Variants in DPP10 observed in about 807,000 individuals in gnomAD.
DPP10 encodes the protein dipeptidyl peptidase like 10, also known as inactive dipeptidyl peptidase 10.
A neutral mutation model predicts 120.9 loss-of-function variants in DPP10; 33 were observed. The observed-to-expected ratio is 0.27, with a 90% confidence interval of 0.21 to 0.37. DPP10 has a LOEUF of 0.37. Ranked by LOEUF, DPP10 falls within the 10% of genes least tolerant of loss-of-function variation. The probability of loss-of-function intolerance (pLI) is 1.00; values close to 1 mark genes in which losing one functional copy is unlikely to be tolerated. For missense variants in DPP10, 816 were observed against 942.8 expected (o/e 0.87, Z 1.76); for synonymous variants, 337 against 326.1 (o/e 1.03, Z -0.36).
chr2:114,751,380 A>G (rs1466876027), intron 1 of DPP10, among the ~76,000 whole-genome samples: 1 of 152,232 alleles, frequency 6.6e-6, no homozygotes, highest in Non-Finnish European at 1.5e-5. Context: ...CACCCCAGCC[A>G]CAGGTTTAAA....
At chr2:114,974,328 C>A (rs1699603562) in intron 1 of DPP10, among the ~76,000 whole-genome samples, 1 of 151,826 alleles carries the variant, frequency 6.6e-6, no homozygotes, top group Non-Finnish European at 1.5e-5. Flanking sequence ...CTGCATTATT[C>A]AGTAGAGTAA....
At chr2:115,007,810 G>A (rs1249587021) in intron 1 of DPP10, among the ~76,000 whole-genome samples, 1 of 148,314 alleles carries the variant, frequency 6.7e-6, no homozygotes, top group Non-Finnish European at 1.5e-5. Flanking sequence ...CAAATCATGA[G>A]TGAACTCCCA....
At chr2:115,817,552 A>G (rs1328255483) in intron 21 of DPP10, among the ~76,000 whole-genome samples, 1 of 152,242 alleles carries the variant, frequency 6.6e-6, no homozygotes, top group African/African-American at 2.4e-5. Flanking sequence ...CCTTTGCAGC[A>G]TTCTACACTT....
intron 1 of DPP10, among the ~76,000 whole-genome samples, chr2:114,454,105 A>G (rs901898724): frequency 6.6e-6 from 1 of 152,140 alleles, no homozygotes; most frequent in Non-Finnish European, 1.5e-5. Flanking sequence ...CCTCACCCCA[A>G]CTCGCAGATG....
intron 5 of DPP10, among the ~76,000 whole-genome samples, chr2:115,599,294 T>C (rs553807857): frequency 6.6e-6 from 1 of 152,264 alleles, no homozygotes; most frequent in South Asian, 2.1e-4. Context: ...CTTCTGGGAC[T>C]CAATTACCTA....
At chr2:114,566,276 T>C (rs768640985) in intron 1 of DPP10, among the ~76,000 whole-genome samples, 3 of 152,172 alleles carry the variant, frequency 2.0e-5, no homozygotes, top group Non-Finnish European at 4.4e-5. Context: ...TTAACGACTG[T>C]GCCAGGATAT....
At chr2:115,727,772 C>T in intron 7 of DPP10, 44 bp from the exon 8 acceptor site, 1 of 1,553,014 alleles carries the variant, frequency 6.4e-7, no homozygotes, top group Non-Finnish European at 8.7e-7. Context: ...AAAAGGCATC[C>T]TAACGTGTTG....
chr2:115,529,459 GT>G (rs3043862), intron 5 of DPP10, among the ~76,000 whole-genome samples: 55,868 of 145,812 alleles, frequency 0.38, 11,131 homozygotes, highest in East Asian at 0.63. Context: ...GGTGGCAAAA[GT>G]TTTTTTTTTT....
rs766755484 is a variant in DPP10 at position 115,689,694 on chromosome 2, A to G, written c.449A>G (p.His150Arg). Reference protein sequence around the residue: ...LLAYDVKQIFHYSYTASYVIY... With the variant: ...LLAYDVKQIFRYSYTASYVIY... ...TTTCTTTTTTAATTTCAGATTTTTC[A>G]TTATTCGTATACTGCTTCATATGTG... The change falls in exon 6 of 26, where the codon CAT becomes CGT. Residue 150 changes from histidine (H) to arginine (R), a missense_variant. Transcript: ENST00000410059. 2.6e-6 allele frequency: 4 copies of G among 1,550,642 alleles called. No individual in the cohort carries two copies. In the Admixed American group the frequency reaches 7.5e-5, roughly 29 times the overall value.
chr2:115,313,447 A>G (rs1231069803), intron 2 of DPP10, among the ~76,000 whole-genome samples: 1 of 152,214 alleles, frequency 6.6e-6, no homozygotes, highest in Non-Finnish European at 1.5e-5. Context: ...TTAGTGACAA[A>G]TATAGCAACA....
chr2:114,505,206 T>C (rs1272292140), intron 1 of DPP10, among the ~76,000 whole-genome samples: 1 of 149,830 alleles, frequency 6.7e-6, no homozygotes, highest in Non-Finnish European at 1.5e-5. Flanking sequence ...CCAAAACAGA[T>C]AGCTTATATA....
intron 1 of DPP10, among the ~76,000 whole-genome samples, chr2:114,754,019 A>T (rs1310475439): frequency 1.3e-5 from 2 of 152,080 alleles, no homozygotes; most frequent in Non-Finnish European, 2.9e-5. Flanking sequence ...AAAGCAGATG[A>T]TATGTAAAAT....
chr2:115,774,403 A>G lies in DPP10; in HGVS notation c.1222-2805A>G, dbSNP rs1681848245. ...ATCAAAGATGCACTAAAACCTTGAAATTTTAGTATCCTGTCCTTGGCTCAT... is the reference window on the plus strand; with the variant it reads ...ATCAAAGATGCACTAAAACCTTGAAGTTTTAGTATCCTGTCCTTGGCTCAT... On this transcript the variant is annotated intron_variant, in intron 13 of 25. Coordinates refer to ENST00000410059, the MANE Select transcript of DPP10 (RefSeq NM_020868.6). 3.3e-5 allele frequency among the ~76,000 whole-genome samples: 5 copies of G among 152,060 alleles called. No individual in the cohort carries two copies. The South Asian group carries it at 1.0e-3, about 31-fold the overall frequency.
chr2:114,853,498 A>C (rs1302263644), intron 1 of DPP10, among the ~76,000 whole-genome samples: 1 of 151,938 alleles, frequency 6.6e-6, no homozygotes, highest in Non-Finnish European at 1.5e-5. Context: ...TGGCCCATGC[A>C]CTATTAATTT....
At chr2:114,810,287 C>A (rs578073491) in intron 1 of DPP10, among the ~76,000 whole-genome samples, 51 of 152,284 alleles carry the variant, frequency 3.3e-4, no homozygotes, top group Admixed American at 5.2e-4. Flanking sequence ...GGAAAAAACA[C>A]CTACGTCAGC....
At chr2:114,715,103 G>A (rs534638477) in intron 1 of DPP10, among the ~76,000 whole-genome samples, 2 of 152,044 alleles carry the variant, frequency 1.3e-5, no homozygotes, top group African/African-American at 4.8e-5. Flanking sequence ...AAAAATTACA[G>A]GACCATAAAT....
chr2:114,783,437 G>A (rs1328433649), intron 1 of DPP10, among the ~76,000 whole-genome samples: 4 of 152,066 alleles, frequency 2.6e-5, no homozygotes, highest in African/African-American at 7.2e-5. Context: ...AGAAGAGTGC[G>A]TTAAAACAAT....
intron 5 of DPP10, among the ~76,000 whole-genome samples, chr2:115,624,357 C>T (rs1477082987): frequency 4.6e-5 from 7 of 152,042 alleles, no homozygotes; most frequent in Non-Finnish European, 7.4e-5. Context: ...ATAACAGTAT[C>T]GAAATGTTAT....
chr2:114,649,383 C>G (rs568691312), intron 1 of DPP10, among the ~76,000 whole-genome samples: 36 of 150,696 alleles, frequency 2.4e-4, no homozygotes, highest in Admixed American at 4.6e-4. Flanking sequence ...GAGTCTTGCT[C>G]TGTCACCCAG....
Sources: allele counts gnomAD v4.1 joint callset (sites outside exome capture counted in the v4.1 genomes callset), GRCh38; gene constraint gnomAD v4.1.1; transcripts MANE v1.5; gene names NCBI Gene and HGNC (gene_info 2026-07-23, HGNC 2026-07-21).